Variants in EML4 observed in about 807,000 individuals in gnomAD.
The protein encoded by EML4 is echinoderm microtubule-associated protein-like 4.
In EML4, 72 loss-of-function variants were observed where a neutral mutation model predicts 129.0. That is an observed-to-expected ratio of 0.56 (90% confidence interval 0.46 to 0.68). The LOEUF (loss-of-function observed/expected upper bound fraction) is 0.68, where lower values mean the gene tolerates loss of function less well. EML4 is among the 30% of genes least tolerant of loss of function. EML4 has a pLI of 0.00. For missense variants in EML4, 1,363 were observed against 1,190.6 expected, an observed-to-expected ratio of 1.14 and a Z score of -2.13; for synonymous variants, 532 against 405.0, an observed-to-expected ratio of 1.31 and a Z score of -3.77.
intron 1 of EML4, among the ~76,000 whole-genome samples, chr2:42,209,973 G>A (rs1009309171): frequency 1.3e-5 from 2 of 151,880 alleles, no homozygotes; most frequent in Non-Finnish European, 2.9e-5. Flanking sequence ...AAAACCAATA[G>A]ACTTCATTTA....
chr2:42,226,667 AAAATAAAATAAAAT>A (rs1265010331), intron 1 of EML4, among the ~76,000 whole-genome samples: 3 of 150,284 alleles, frequency 2.0e-5, no homozygotes, highest in Non-Finnish European at 2.9e-5. Context: ...AAAATAAAAT[AAAATAAAATAAAAT>A]AAATAAAATA....
chr2:42,276,696 A>T (rs1313890577), intron 6 of EML4, among the ~76,000 whole-genome samples: 2 of 152,230 alleles, frequency 1.3e-5, no homozygotes, highest in East Asian at 3.8e-4. Flanking sequence ...AATTCCAAAC[A>T]GTAGGTAGTA....
At chr2:42,300,024 T>C (rs182112949) in intron 13 of EML4, among the ~76,000 whole-genome samples, 1 of 152,318 alleles carries the variant, frequency 6.6e-6, no homozygotes, top group East Asian at 1.9e-4. Flanking sequence ...ATCCATGTGG[T>C]GGTAGCATGT....
In EML4 at chr2:42,331,503, C is replaced by G. The variant is rs530014037; in HGVS notation, c.*1296C>G. The G allele has an allele frequency of 9.0e-6, 2 of 222,696 alleles. No homozygotes were observed. The highest frequency in any genetic ancestry group is 4.5e-5 in the African/African-American group (2 of 44,746). The allele number at this position is 222,696 out of a possible 1,614,324, so 13.8% of individuals were successfully genotyped here. A position where few individuals can be genotyped will look rare whatever the true frequency, so the allele number is the denominator to read the frequency against. ...AATATGTATTTCCTATATGTTTATA[C>G]TTTGATTATAAAAAAGTATTTTGTT... On this transcript the variant is annotated 3_prime_UTR_variant, in exon 23 of 23. Transcript: ENST00000318522.
chr2:42,225,339 G>A (rs1236943258), intron 1 of EML4, among the ~76,000 whole-genome samples: 2 of 152,210 alleles, frequency 1.3e-5, no homozygotes, highest in East Asian at 1.9e-4. Flanking sequence ...TGTTTTCTAT[G>A]GTGGCTAAAC....
intron 13 of EML4, 78 bp from the exon 14 acceptor site, chr2:42,301,163 T>C (rs1273270590): frequency 7.9e-7 from 1 of 1,261,524 alleles, no homozygotes; most frequent in East Asian, 2.5e-5. Flanking sequence ...CTAGTTCTAC[T>C]GAAGTTTTCT....
rs1670157699 is a variant in EML4 at position 42,169,855 on chromosome 2, C to T, written c.25+219C>T. ...TCTGTGTCAGACCCTCCTTTCCTCC[C>T]GGAGCCCCTTTCAGTGCGGGGCCCT... On this transcript the variant is annotated intron_variant, in intron 1 of 22. Transcript: ENST00000318522. 3 of 448,746 alleles carry T rather than the reference C, an allele frequency of 6.7e-6. No individual in the cohort carries two copies. The South Asian group carries it at 1.4e-4, about 21-fold the overall frequency. 27.8% of individuals were successfully genotyped at this position (448,746 alleles called of 1,614,324 possible). A position where few individuals can be genotyped will look rare whatever the true frequency, so the allele number is the denominator to read the frequency against.
At chr2:42,316,804 A>C (rs1037687837) in intron 18 of EML4, among the ~76,000 whole-genome samples, 15 of 152,222 alleles carry the variant, frequency 9.9e-5, no homozygotes, top group African/African-American at 3.4e-4. Flanking sequence ...AGTATTCTTT[A>C]AATTGAACAA....
chr2:42,195,963 A>G (rs1671874421), intron 1 of EML4, among the ~76,000 whole-genome samples: 1 of 152,190 alleles, frequency 6.6e-6, no homozygotes, highest in African/African-American at 2.4e-5. Flanking sequence ...TGGCAGACAA[A>G]TATATCTTTG....
intron 21 of EML4, among the ~76,000 whole-genome samples, chr2:42,327,540 A>G (rs1572767297): frequency 6.6e-6 from 1 of 152,172 alleles, no homozygotes; most frequent in South Asian, 2.1e-4. Flanking sequence ...TAGTTGCCTT[A>G]CACCACTTGT....
chr2:42,317,889 A>G (rs1669329082), intron 19 of EML4, among the ~76,000 whole-genome samples: 1 of 152,224 alleles, frequency 6.6e-6, no homozygotes, highest in Admixed American at 6.5e-5. Context: ...TCAACACCCT[A>G]CAACATCCTA....
intron 17 of EML4, among the ~76,000 whole-genome samples, chr2:42,314,048 G>C (rs1572743832): frequency 6.6e-6 from 1 of 151,750 alleles, no homozygotes. Flanking sequence ...GTAGGAGCAG[G>C]TAAAAAATAA....
At chr2:42,216,111 G>A (rs774634565) in intron 1 of EML4, among the ~76,000 whole-genome samples, 1 of 151,334 alleles carries the variant, frequency 6.6e-6, no homozygotes, top group Non-Finnish European at 1.5e-5. Flanking sequence ...TTAGAGACAC[G>A]GTTTCACCAT....
chr2:42,280,929 C>T lies in EML4; in HGVS notation c.747C>T (p.Asp249=). 2.5e-6 allele frequency: 4 copies of T among 1,612,224 alleles called. No individual in the cohort carries two copies. The highest frequency in any genetic ancestry group is 3.4e-6 in the Non-Finnish European group (4 of 1,178,898). Residue 249 remains aspartate, a synonymous_variant, in exon 7 of 23, where the codon GAC becomes GAT. Coordinates refer to ENST00000318522, the MANE Select transcript of EML4 (RefSeq NM_019063.5). The part of the protein sequence containing the change: ...FIPSDVDNYD[D]IRTELPPEKL... ...CTTCCGATGTTGACAACTATGATGA[C>T]ATCAGAACGGAACTGCCTCCTGAGA... is the stretch of plus-strand genomic sequence containing the variant.
chr2:42,252,378 CTTCACTTTTTCA>C (rs999276234), intron 2 of EML4, among the ~76,000 whole-genome samples: 23 of 152,060 alleles, frequency 1.5e-4, no homozygotes, highest in African/African-American at 5.6e-4. Flanking sequence ...TTAAAACTTC[CTTCACTTTTTCA>C]TTCACGCTAC....
intron 6 of EML4, among the ~76,000 whole-genome samples, chr2:42,268,228 T>G (rs999915132): frequency 2.0e-5 from 3 of 152,212 alleles, no homozygotes; most frequent in African/African-American, 7.2e-5. Context: ...AAACTTTTTT[T>G]TGTCATAATT....
chr2:42,181,949 G>C (rs1282795073), intron 1 of EML4, among the ~76,000 whole-genome samples: 1 of 152,092 alleles, frequency 6.6e-6, no homozygotes, highest in Non-Finnish European at 1.5e-5. Flanking sequence ...TATGTGTGTG[G>C]CAATATATAG....
At chr2:42,226,692 A>T (rs1673985942) in intron 1 of EML4, among the ~76,000 whole-genome samples, 1 of 151,204 alleles carries the variant, frequency 6.6e-6, no homozygotes, top group Non-Finnish European at 1.5e-5. Context: ...AAATAAAATA[A>T]ATTACATACT....
At chr2:42,203,103 A>G (rs1382109186) in intron 1 of EML4, among the ~76,000 whole-genome samples, 1 of 152,202 alleles carries the variant, frequency 6.6e-6, no homozygotes, top group Non-Finnish European at 1.5e-5. Flanking sequence ...TGTTCTCACC[A>G]TAAAGAAGTA....
Sources: allele counts gnomAD v4.1 joint callset (sites outside exome capture counted in the v4.1 genomes callset), GRCh38; gene constraint gnomAD v4.1.1; transcripts MANE v1.5; gene names NCBI Gene and HGNC (gene_info 2026-07-23, HGNC 2026-07-21).